The following PDE4D variants were observed in gnomAD, a reference collection of about 807,000 sequenced individuals.
PDE4D encodes 3',5'-cyclic-AMP phosphodiesterase 4D.
Under a neutral mutation model 87.4 loss-of-function variants are expected in PDE4D, and 24 were observed. That is an observed-to-expected ratio of 0.27 (90% CI 0.20 to 0.39). The LOEUF is 0.39. Among genes scored for constraint, PDE4D ranks in the 10% least tolerant of loss-of-function variants. PDE4D has a pLI of 1.00. For synonymous variants in PDE4D, 384 were observed against 383.2 expected (o/e 1.00, Z -0.02); for missense variants, 714 against 1,041.0 (o/e 0.69, Z 4.32).
intron 1 of PDE4D, among the ~76,000 whole-genome samples, chr5:59,691,719 T>TAA (rs34034249): frequency 0.012 from 1,757 of 148,052 alleles, 27 homozygotes; most frequent in African/African-American, 0.037. Flanking sequence ...TAAAGTATAA[T>TAA]AAAAAAAAAA....
rs866849816 is a variant in PDE4D, at chr5:59,010,091, C to T, written c.922-16626G>A. 1.3e-4 allele frequency among the ~76,000 whole-genome samples: 20 copies of T among 152,198 alleles called. No individual in the cohort carries two copies. In the East Asian group the frequency reaches 2.1e-3, roughly 16 times the overall value. On this transcript the variant is annotated intron_variant, in intron 6 of 14. Coordinates refer to ENST00000340635, the MANE Select transcript of PDE4D (RefSeq NM_001104631.2). ...CTGTAATCCTAGCACTTTAGGAGGC[C>T]GAGGCAGGCAGATTGCCTGAGCTCA... is the stretch of plus-strand genomic sequence containing the variant.
Position 59,392,503 on chromosome 5 carries a change from C to CTATATA in PDE4D, c.456-176541_456-176536dup, listed in dbSNP as rs3061702. ...ACCCTTTATATATATGTGTGTGTGT[C>CTATATA]TATATATATATATATATATATTCCA... is the stretch of plus-strand genomic sequence containing the variant. On this transcript the variant is annotated intron_variant, in intron 1 of 14. Transcript: ENST00000340635. Among the ~76,000 whole-genome samples the CTATATA allele has an allele frequency of 7.7e-3, 1,067 of 139,314 alleles. 13 individuals are homozygous for CTATATA. Among genetic ancestry groups the CTATATA allele is most frequent in the African/African-American group, 0.017 (629 of 37,050 alleles). The allele number at this position is 139,314 out of a possible 152,430, so 91.4% of individuals were successfully genotyped here.
intron 2 of PDE4D, among the ~76,000 whole-genome samples, chr5:60,008,054 A>G (rs1226499292): frequency 6.6e-6 from 1 of 152,042 alleles, no homozygotes; most frequent in Non-Finnish European, 1.5e-5. Flanking sequence ...AAGTCACTAT[A>G]AGATAGTTAT....
chr5:60,222,401 C>A (rs375938058), intron 1 of PDE4D, among the ~76,000 whole-genome samples: 4 of 152,094 alleles, frequency 2.6e-5, no homozygotes, highest in African/African-American at 9.7e-5. Context: ...ACCACCTAAA[C>A]CCTCATCTGA....
intron 1 of PDE4D, among the ~76,000 whole-genome samples, chr5:59,282,276 C>T (rs777699081): frequency 9.2e-5 from 14 of 151,980 alleles, no homozygotes; most frequent in Non-Finnish European, 1.6e-4. Context: ...AGAGATGAAA[C>T]AACTGGAAAG....
At chr5:59,168,230 A>T (rs1276513297) in intron 5 of PDE4D, among the ~76,000 whole-genome samples, 1 of 152,208 alleles carries the variant, frequency 6.6e-6, no homozygotes, top group Non-Finnish European at 1.5e-5. Flanking sequence ...TGATAATGGC[A>T]TGAAGAGACT....
At chr5:59,181,612 G>A (rs943680925) in intron 4 of PDE4D, among the ~76,000 whole-genome samples, 2 of 143,278 alleles carry the variant, frequency 1.4e-5, no homozygotes, top group Admixed American at 7.1e-5. Context: ...TCTACCAAGG[G>A]TGAACACTTA....
chr5:60,090,677 A>C (rs1281617574), intron 2 of PDE4D, among the ~76,000 whole-genome samples: 1 of 152,174 alleles, frequency 6.6e-6, no homozygotes, highest in East Asian at 1.9e-4. Context: ...GTCCTATCAC[A>C]GCGGTTAGGC....
intron 2 of PDE4D, among the ~76,000 whole-genome samples, chr5:60,081,324 CAA>C (rs35584107): frequency 2.8e-5 from 4 of 140,786 alleles, no homozygotes; most frequent in Admixed American, 1.4e-4. Context: ...TTAGTTTTTT[CAA>C]AAAAAAAAAA....
chr5:60,338,482 G>T (rs2149890731), intron 1 of PDE4D, among the ~76,000 whole-genome samples: 1 of 152,244 alleles, frequency 6.6e-6, no homozygotes, highest in South Asian at 2.1e-4. Flanking sequence ...TCGCTCTAGA[G>T]TCAGAGTCCC....
chr5:59,336,875 A>G (rs1439325069), intron 1 of PDE4D, among the ~76,000 whole-genome samples: 1 of 152,200 alleles, frequency 6.6e-6, no homozygotes, highest in Non-Finnish European at 1.5e-5. Flanking sequence ...TGGCTTCCTG[A>G]CACAAGACAT....
chr5:59,268,476 T>G (rs1763233605), intron 1 of PDE4D, among the ~76,000 whole-genome samples: 1 of 152,088 alleles, frequency 6.6e-6, no homozygotes, highest in Non-Finnish European at 1.5e-5. Flanking sequence ...GCTGTCATTG[T>G]GCCCCATGTG....
intron 3 of PDE4D, among the ~76,000 whole-genome samples, chr5:59,931,968 T>C (rs769332111): frequency 1.3e-5 from 2 of 152,198 alleles, no homozygotes; most frequent in African/African-American, 2.4e-5. Context: ...CCCAAAGTGC[T>C]GGGATTACAG....
intron 5 of PDE4D, chr5:59,166,329 G>A (rs1781922736): frequency 6.6e-6 from 1 of 152,138 alleles, no homozygotes; most frequent in South Asian, 2.1e-4. Context: ...AAATGATGAA[G>A]GTTCTTGGGC....
In PDE4D at chr5:59,085,197, A is replaced by G. The variant is rs183513995; in HGVS notation, c.809-46226T>C. Among the ~76,000 whole-genome samples, 61 of 152,322 alleles carry G rather than the reference A, an allele frequency of 4.0e-4. 2 individuals carry two copies. Among genetic ancestry groups the G allele is most frequent in the Admixed American group, 3.8e-3 (58 of 15,304 alleles). ...ATAGAAAATTGCTTAAGTGTAGTAT[A>G]TTCATGTAAGGAAATGCCATTAAAA... On this transcript the variant is annotated intron_variant, in intron 5 of 14. Coordinates refer to ENST00000340635, the MANE Select transcript of PDE4D (RefSeq NM_001104631.2).
At chr5:59,095,562 A>G (rs1157275203) in intron 5 of PDE4D, among the ~76,000 whole-genome samples, 2 of 152,178 alleles carry the variant, frequency 1.3e-5, no homozygotes, top group Admixed American at 6.6e-5. Context: ...CTTACTTTGA[A>G]CATTTCTATT....
chr5:60,403,207 G>A (rs951925382), intron 1 of PDE4D, among the ~76,000 whole-genome samples: 6 of 152,208 alleles, frequency 3.9e-5, no homozygotes, highest in African/African-American at 1.2e-4. Flanking sequence ...GCACACAATA[G>A]CTTAGTGTGT....
rs139451488 is a variant in PDE4D at position 60,003,437 on chromosome 5, C to T, written c.43-14720G>A. Among the ~76,000 whole-genome samples, 7 of 152,082 alleles carry T rather than the reference C, an allele frequency of 4.6e-5. 1 individual carries two copies. In the East Asian group the frequency reaches 5.8e-4, roughly 13 times the overall value. On this transcript the variant is annotated intron_variant, in intron 2 of 16. Coordinates refer to the PDE4D transcript ENST00000502484. Reference sequence around the variant, plus strand: ...GTCCTAAGAAAGAAGAATGGCTGGGCGTGGTGACTCACGCCTGTAATCCCA... The same window carrying T: ...GTCCTAAGAAAGAAGAATGGCTGGGTGTGGTGACTCACGCCTGTAATCCCA...
chr5:60,515,300 A>C (rs1260691982), intron 1 of PDE4D, among the ~76,000 whole-genome samples: 1 of 152,144 alleles, frequency 6.6e-6, no homozygotes, highest in Non-Finnish European at 1.5e-5. Flanking sequence ...CTCCATTATA[A>C]AATAAAGACT....
Sources: allele counts gnomAD v4.1 joint callset (sites outside exome capture counted in the v4.1 genomes callset), GRCh38; gene constraint gnomAD v4.1.1; transcripts MANE v1.5; gene names NCBI Gene and HGNC (gene_info 2026-07-23, HGNC 2026-07-21).